Variants in RALYL observed in about 807,000 individuals in gnomAD.
RALYL encodes the protein RNA-binding Raly-like protein.
In RALYL, 29 loss-of-function variants were observed where a neutral mutation model predicts 35.1. The observed-to-expected ratio is 0.83, with a 90% CI of 0.61 to 1.13. The LOEUF (loss-of-function observed/expected upper bound fraction) is 1.13. RALYL is among the 50% of genes most tolerant of loss of function. The pLI, the probability that RALYL is intolerant of heterozygous loss-of-function variation, is 0.00. For synonymous variants in RALYL, 120 were observed against 127.6 expected (o/e 0.94, Z 0.40); for missense variants, 359 against 360.4 (o/e 1.00, Z 0.03).
At chr8:84,232,036 C>A (rs2131441858) in intron 1 of RALYL, among the ~76,000 whole-genome samples, 2 of 152,214 alleles carry the variant, frequency 1.3e-5, no homozygotes, top group Non-Finnish European at 2.9e-5. Context: ...ATAAAGCCAG[C>A]TAATCATTTG....
At position 84,821,033 on chromosome 8, in the gene RALYL, G is replaced by A. The variant is rs576929387; in HGVS notation, c.365+16231G>A. ...CAAAATAAGTGCTTTGATTTCACTCGGCTACCTTCAACTCATCTCAAAGAA... is the reference window on the plus strand; with the variant it reads ...CAAAATAAGTGCTTTGATTTCACTCAGCTACCTTCAACTCATCTCAAAGAA... On this transcript the variant is annotated intron_variant, in intron 4 of 8. Transcript: ENST00000521268. Among the ~76,000 whole-genome samples the A allele has an allele frequency of 9.9e-5, 15 of 151,972 alleles. No individual in the cohort carries two copies. In the East Asian group the frequency reaches 1.7e-3, roughly 18 times the overall value.
intron 1 of RALYL, among the ~76,000 whole-genome samples, chr8:84,418,745 T>C (rs140419583): frequency 4.6e-5 from 7 of 152,220 alleles, no homozygotes; most frequent in African/African-American, 1.7e-4. Context: ...TTGAACTTAG[T>C]CTTCAACTTT....
chr8:84,499,214 T>A (rs1587803263), intron 1 of RALYL, among the ~76,000 whole-genome samples: 1 of 152,014 alleles, frequency 6.6e-6, no homozygotes, highest in Non-Finnish European at 1.5e-5. Flanking sequence ...TTGTACCCAA[T>A]AGGTAATTTT....
chr8:84,594,640 A>C (rs1022685294), intron 2 of RALYL, among the ~76,000 whole-genome samples: 1 of 152,174 alleles, frequency 6.6e-6, no homozygotes, highest in South Asian at 2.1e-4. Flanking sequence ...TAAATTATTA[A>C]TCAATCTGCC....
intron 2 of RALYL, among the ~76,000 whole-genome samples, chr8:84,664,262 G>GTTTTT (rs750256632): frequency 4.6e-5 from 2 of 43,066 alleles, no homozygotes; most frequent in Non-Finnish European, 8.5e-5. Context: ...GATGCCTCTA[G>GTTTTT]ATTTTTTTTT....
chr8:84,641,933 C>T (rs1406128578), intron 2 of RALYL, among the ~76,000 whole-genome samples: 1 of 151,688 alleles, frequency 6.6e-6, no homozygotes, highest in East Asian at 1.9e-4. Flanking sequence ...AAATGTATGC[C>T]CATGCTTCCA....
chr8:84,676,468 G>A (rs1834216452), intron 2 of RALYL, among the ~76,000 whole-genome samples: 2 of 152,256 alleles, frequency 1.3e-5, no homozygotes, highest in Admixed American at 1.3e-4. Context: ...AACATTCCCA[G>A]TGTGCTCCCA....
At chr8:84,679,769 T>G (rs1834987539) in intron 2 of RALYL, 2 of 519,192 alleles carry the variant, frequency 3.9e-6, no homozygotes, top group South Asian at 2.9e-5. Flanking sequence ...GATTCAGCAC[T>G]GATGAAGCCA....
chr8:84,237,160 A>G (rs1168539205), intron 1 of RALYL, among the ~76,000 whole-genome samples: 4 of 152,208 alleles, frequency 2.6e-5, no homozygotes, highest in African/African-American at 9.6e-5. Flanking sequence ...CAGGAAACCT[A>G]CACAGCCAGT....
intron 2 of RALYL, among the ~76,000 whole-genome samples, chr8:84,756,606 A>C (rs1168948894): frequency 6.6e-6 from 1 of 152,106 alleles, no homozygotes; most frequent in African/African-American, 2.4e-5. Flanking sequence ...TTAACATAAT[A>C]ATTTATACAA....
intron 1 of RALYL, among the ~76,000 whole-genome samples, chr8:84,346,667 C>A (rs1407861110): frequency 6.6e-6 from 1 of 151,992 alleles, no homozygotes; most frequent in Non-Finnish European, 1.5e-5. Context: ...CAGGGTTTCG[C>A]CATGTTGGCC....
intron 1 of RALYL, among the ~76,000 whole-genome samples, chr8:84,337,183 G>C (rs1847955696): frequency 6.6e-6 from 1 of 151,738 alleles, no homozygotes; most frequent in African/African-American, 2.4e-5. Context: ...GTTTTCACAA[G>C]TGTTTGGTGC....
intron 1 of RALYL, among the ~76,000 whole-genome samples, chr8:84,215,465 G>A (rs565680341): frequency 6.6e-6 from 1 of 151,204 alleles, no homozygotes; most frequent in East Asian, 1.9e-4. Flanking sequence ...TAAAAGCAAT[G>A]TATTATGCAT....
At position 84,341,901 on chromosome 8, in the gene RALYL, C is replaced by A. The variant is rs560249012; in HGVS notation, c.-24+157477C>A. On this transcript the variant is annotated intron_variant, in intron 1 of 8. Coordinates refer to ENST00000521268, the MANE Select transcript of RALYL (RefSeq NM_173848.7). Reference sequence around the variant, plus strand: ...TTTCCCATATGTAGAATGTAATAGACAAAAGTAGCTCATACCTCATAAAAT... The same window carrying A: ...TTTCCCATATGTAGAATGTAATAGAAAAAAGTAGCTCATACCTCATAAAAT... 5.9e-5 allele frequency among the ~76,000 whole-genome samples: 9 copies of A among 151,768 alleles called. No individual in the cohort carries two copies. In the South Asian group the frequency reaches 1.0e-3, roughly 18 times the overall value.
chr8:84,782,473 T>C (rs913366133), intron 3 of RALYL, among the ~76,000 whole-genome samples: 30 of 152,236 alleles, frequency 2.0e-4, no homozygotes, highest in Non-Finnish European at 4.0e-4. Context: ...CACATCATTC[T>C]TACAGTTGGC....
chr8:84,445,240 A>G (rs1296883322), intron 1 of RALYL, among the ~76,000 whole-genome samples: 1 of 152,032 alleles, frequency 6.6e-6, no homozygotes, highest in Non-Finnish European at 1.5e-5. Context: ...TTTAATTTTA[A>G]TTTTTAAAGT....
At chr8:84,637,571 A>G (rs141567528) in intron 2 of RALYL, among the ~76,000 whole-genome samples, 5 of 152,032 alleles carry the variant, frequency 3.3e-5, no homozygotes, top group South Asian at 2.1e-4. Context: ...ATTTACATCT[A>G]AAGTAATCAC....
chr8:84,789,328 T>C (rs1345082950), intron 3 of RALYL, among the ~76,000 whole-genome samples: 1 of 152,232 alleles, frequency 6.6e-6, no homozygotes, highest in African/African-American at 2.4e-5. Flanking sequence ...TTGAATTACT[T>C]AGCAATTGTT....
At chr8:84,268,827 T>C (rs796349057) in intron 1 of RALYL, among the ~76,000 whole-genome samples, 2 of 152,214 alleles carry the variant, frequency 1.3e-5, no homozygotes, top group African/African-American at 4.8e-5. Context: ...ATTTAATAAA[T>C]GTTCATTCTT....
Sources: allele counts gnomAD v4.1 joint callset (sites outside exome capture counted in the v4.1 genomes callset), GRCh38; gene constraint gnomAD v4.1.1; transcripts MANE v1.5; gene names NCBI Gene and HGNC (gene_info 2026-07-23, HGNC 2026-07-21).